Variants in AGBL1 observed in about 807,000 individuals in gnomAD.
AGBL1 encodes AGBL carboxypeptidase 1, also known as cytosolic carboxypeptidase 4.
In AGBL1, 130 loss-of-function variants were observed where a neutral mutation model predicts 118.9. The observed-to-expected ratio is 1.09, with a 90% confidence interval of 0.95 to 1.26. AGBL1 has a LOEUF of 1.26. AGBL1 is among the 50% of genes most tolerant of loss of function. The pLI is 0.00. For missense variants in AGBL1, 1,584 were observed against 1,298.1 expected (o/e 1.22, Z -3.38); for synonymous variants, 555 against 478.9 (o/e 1.16, Z -2.08).
chr15:86,605,800 T>C (rs1288485003), intron 21 of AGBL1, among the ~76,000 whole-genome samples: 1 of 151,810 alleles, frequency 6.6e-6, no homozygotes, highest in Non-Finnish European at 1.5e-5. Flanking sequence ...TGTTGTGTGG[T>C]TTGGGCTGGG....
intron 22 of AGBL1, among the ~76,000 whole-genome samples, chr15:86,688,941 T>G (rs1386128967): frequency 4.6e-5 from 7 of 152,118 alleles, no homozygotes; most frequent in Non-Finnish European, 1.0e-4. Flanking sequence ...TTTTTAGAAT[T>G]TTATGTCAAT....
At chr15:86,875,158 T>G (rs532820526) in intron 22 of AGBL1, among the ~76,000 whole-genome samples, 1 of 152,286 alleles carries the variant, frequency 6.6e-6, no homozygotes, top group East Asian at 1.9e-4. Flanking sequence ...CTCTTCCCTG[T>G]AAATGCTAAG....
intron 5 of AGBL1, among the ~76,000 whole-genome samples, chr15:86,214,104 A>G (rs1489424659): frequency 3.3e-5 from 5 of 152,236 alleles, no homozygotes; most frequent in African/African-American, 9.6e-5. Flanking sequence ...GCATATGGCC[A>G]TGTTACATCT....
At chr15:86,163,680 A>G (rs2077298119) in intron 5 of AGBL1, among the ~76,000 whole-genome samples, 2 of 152,160 alleles carry the variant, frequency 1.3e-5, no homozygotes, top group Admixed American at 1.3e-4. Context: ...GTGAGCCAAG[A>G]TCACACCACT....
chr15:86,468,419 C>T lies in AGBL1; in HGVS notation c.2556-54391C>T, dbSNP rs866880279. 1.2e-4 allele frequency among the ~76,000 whole-genome samples: 19 copies of T among 152,224 alleles called. No individual in the cohort carries two copies. In the East Asian group the frequency reaches 1.7e-3, roughly 14 times the overall value. ...AAGCTTGGGGTGTAGTTTCCCAGAC[C>T]GCACTGCTGGAATCTGCATTCTGGG... On this transcript the variant is annotated intron_variant, in intron 18 of 22. Coordinates refer to ENST00000614907, the MANE Select transcript of AGBL1 (RefSeq NM_001386094.1).
chr15:86,490,159 T>A (rs2082761551), intron 18 of AGBL1, among the ~76,000 whole-genome samples: 1 of 152,020 alleles, frequency 6.6e-6, no homozygotes, highest in African/African-American at 2.4e-5. Flanking sequence ...TCTCGTACTT[T>A]CTGTTATCTT....
chr15:86,203,754 ACTC>A (rs2077945455), intron 5 of AGBL1, among the ~76,000 whole-genome samples: 7 of 152,196 alleles, frequency 4.6e-5, no homozygotes, highest in Admixed American at 4.6e-4. Context: ...TTACGGAGTT[ACTC>A]ATCTTCGTAT....
intron 21 of AGBL1, among the ~76,000 whole-genome samples, chr15:86,607,514 G>C (rs542287349): frequency 1.3e-5 from 2 of 152,238 alleles, no homozygotes; most frequent in East Asian, 3.9e-4. Context: ...TTTCAAAGTG[G>C]CTGTGGCATT....
chr15:86,544,716 C>G (rs1195820641), intron 19 of AGBL1, among the ~76,000 whole-genome samples: 1 of 152,114 alleles, frequency 6.6e-6, no homozygotes, highest in Non-Finnish European at 1.5e-5. Flanking sequence ...CTGGACCCAC[C>G]CTTGACATGT....
At position 86,560,303 on chromosome 15, in the gene AGBL1, C is replaced by A. The variant is rs377141086; in HGVS notation, c.2994+5766C>A. On this transcript the variant is annotated intron_variant, in intron 21 of 22. Transcript: ENST00000614907. ...TATCCCTCCCCCCTCCCCACCCCCG[C>A]AACAGTCCCCGGTGTGTGATGTTCC... Among the ~76,000 whole-genome samples the A allele has an allele frequency of 1.6e-4, 24 of 148,620 alleles. No homozygotes were observed. In the South Asian group the frequency reaches 2.4e-3, roughly 15 times the overall value.
At chr15:86,392,714 A>C (rs2081306778) in intron 17 of AGBL1, among the ~76,000 whole-genome samples, 2 of 152,140 alleles carry the variant, frequency 1.3e-5, no homozygotes, top group Non-Finnish European at 2.9e-5. Context: ...ACTTGTTCCT[A>C]ATCTCTTTTT....
intron 17 of AGBL1, among the ~76,000 whole-genome samples, chr15:86,394,307 A>G (rs746938064): frequency 2.0e-5 from 3 of 152,164 alleles, no homozygotes; most frequent in Non-Finnish European, 2.9e-5. Context: ...CCTTTGGCAT[A>G]TATTTCTTCT....
chr15:86,843,494 G>A (rs753646650), intron 22 of AGBL1, among the ~76,000 whole-genome samples: 2 of 134,616 alleles, frequency 1.5e-5, no homozygotes, highest in Non-Finnish European at 3.2e-5. Context: ...AATACTGGTA[G>A]GTTAACCAAA....
intron 22 of AGBL1, among the ~76,000 whole-genome samples, chr15:86,847,839 G>A (rs2079340696): frequency 1.3e-5 from 2 of 152,150 alleles, no homozygotes; most frequent in Admixed American, 1.3e-4. Flanking sequence ...GCTCAGGACT[G>A]GTAGAAAGCT....
chr15:86,761,078 A>G (rs189687571), intron 22 of AGBL1, among the ~76,000 whole-genome samples: 11 of 152,134 alleles, frequency 7.2e-5, no homozygotes, highest in African/African-American at 2.2e-4. Flanking sequence ...CATGTACACA[A>G]AGGGATTTTA....
chr15:86,692,584 C>A (rs1009064081), intron 22 of AGBL1, among the ~76,000 whole-genome samples: 9 of 152,240 alleles, frequency 5.9e-5, no homozygotes, highest in African/African-American at 1.9e-4. Flanking sequence ...TAACTTCTTA[C>A]TAACTTACTA....
At chr15:86,822,626 C>A (rs543966511) in intron 22 of AGBL1, among the ~76,000 whole-genome samples, 1 of 152,160 alleles carries the variant, frequency 6.6e-6, no homozygotes, top group Non-Finnish European at 1.5e-5. Context: ...TGCGAACCTA[C>A]CCCTAAAAGT....
In AGBL1 at chr15:86,187,515, C is replaced by A. The variant is rs186565930; in HGVS notation, c.488+28489C>A. On this transcript the variant is annotated intron_variant, in intron 5 of 22. Transcript: ENST00000614907. ...GAGTGGGCTCCCTCTCTTTCATTGA[C>A]CCTAAGCAACTTTCTTAATGCTGCT... is the stretch of plus-strand genomic sequence containing the variant. Among the ~76,000 whole-genome samples the A allele has an allele frequency of 3.4e-3, 523 of 152,222 alleles. 1 individual carries two copies. The highest frequency in any genetic ancestry group is 6.8e-3 in the Middle Eastern group (2 of 294).
At chr15:86,476,947 A>T (rs1245585483) in intron 18 of AGBL1, among the ~76,000 whole-genome samples, 1 of 152,236 alleles carries the variant, frequency 6.6e-6, no homozygotes, top group Admixed American at 6.5e-5. Flanking sequence ...CTGCTCCACT[A>T]CATGGAAACT....
Sources: allele counts gnomAD v4.1 joint callset (sites outside exome capture counted in the v4.1 genomes callset), GRCh38; gene constraint gnomAD v4.1.1; transcripts MANE v1.5; gene names NCBI Gene and HGNC (gene_info 2026-07-23, HGNC 2026-07-21).